CHIC2: variants seen among roughly 807,000 people sequenced by gnomAD.
The protein encoded by CHIC2 is cysteine rich hydrophobic domain 2, also known as cysteine-rich hydrophobic domain-containing protein 2.
In CHIC2, 14 loss-of-function variants were observed where a neutral mutation model predicts 25.9. The observed-to-expected ratio is 0.54, with a 90% CI of 0.36 to 0.85. The LOEUF is 0.85. Ranked by LOEUF, CHIC2 falls within the 40% of genes least tolerant of loss-of-function variation. CHIC2 has a pLI of 0.01. For missense variants in CHIC2, 146 were observed against 202.0 expected (o/e 0.72, Z 1.68); for synonymous variants, 70 against 72.0 (o/e 0.97, Z 0.14).
chr4:54,072,686 T>C, the CHIC2 span, among the ~76,000 whole-genome samples: 1 of 152,224 alleles, frequency 6.6e-6, no homozygotes, highest in Admixed American at 6.5e-5. Flanking sequence ...CCAAGAGTCA[T>C]TCAATACGTC....
chr4:54,013,458 G>A (rs1043335119), intron 5 of CHIC2, among the ~76,000 whole-genome samples: 2 of 151,948 alleles, frequency 1.3e-5, no homozygotes, highest in African/African-American at 2.4e-5. Context: ...TGGCTGAAAG[G>A]TTTTCTTCCA....
chr4:54,027,626 T>C (rs1716100535), intron 3 of CHIC2, among the ~76,000 whole-genome samples: 1 of 152,136 alleles, frequency 6.6e-6, no homozygotes, highest in Non-Finnish European at 1.5e-5. Flanking sequence ...TATCTTATAA[T>C]GGGGAAGATA....
chr4:54,071,414 T>TAA, the CHIC2 span, among the ~76,000 whole-genome samples: 2 of 152,264 alleles, frequency 1.3e-5, no homozygotes, highest in African/African-American at 4.8e-5. Flanking sequence ...ATAAGCCTTG[T>TAA]AAACATTCCT....
At chr4:54,064,739 G>C (rs1284009050), upstream of CHIC2, 2 of 786,012 alleles carry the variant, frequency 2.5e-6, no homozygotes, top group South Asian at 1.1e-4. The surrounding 1 kb of genome is among the most constrained non-coding windows in gnomAD (Gnocchi z 4.2). Context: ...GCGGGCGCGC[G>C]CACGTGCGGC....
chr4:54,013,919 G>A (rs367713903), intron 4 of CHIC2, 23 bp from the exon 5 acceptor site: 22 of 1,611,462 alleles, frequency 1.4e-5, no homozygotes, highest in Non-Finnish European at 1.8e-5. Flanking sequence ...GAAAGTAAAA[G>A]AAGAAAAATG....
chr4:54,091,474 T>A, the CHIC2 span, among the ~76,000 whole-genome samples: 1 of 152,134 alleles, frequency 6.6e-6, no homozygotes, highest in Non-Finnish European at 1.5e-5. Context: ...GTTTCTCGTA[T>A]TCCTCACATT....
the CHIC2 span, among the ~76,000 whole-genome samples, chr4:54,074,597 AACACACACAC>A: frequency 2.9e-5 from 4 of 139,714 alleles, no homozygotes; most frequent in East Asian, 2.1e-4. Flanking sequence ...ACAACACACA[AACACACACAC>A]ACACACACAC....
intron 3 of CHIC2, among the ~76,000 whole-genome samples, chr4:54,025,463 C>A (rs1001432413): frequency 3.3e-5 from 5 of 152,176 alleles, no homozygotes; most frequent in Non-Finnish European, 5.9e-5. Context: ...TCAGACTCAG[C>A]CCGCCTGCAC....
chr4:54,084,828 T>C, the CHIC2 span, among the ~76,000 whole-genome samples: 3 of 151,716 alleles, frequency 2.0e-5, no homozygotes, highest in Middle Eastern at 3.2e-3. Flanking sequence ...GGCGTGGTGG[T>C]GTATACCTGC....
the CHIC2 span, among the ~76,000 whole-genome samples, chr4:54,073,033 A>C: frequency 2.6e-5 from 4 of 151,918 alleles, no homozygotes; most frequent in Admixed American, 6.6e-5. Context: ...GTGCCACTGC[A>C]CTCCAGCCTG....
chr4:54,048,462 G>A (rs1716903598), intron 3 of CHIC2, among the ~76,000 whole-genome samples: 1 of 152,102 alleles, frequency 6.6e-6, no homozygotes, highest in African/African-American at 2.4e-5. Context: ...TTTCTTGTAT[G>A]GGTACCATCT....
At chr4:54,044,215 C>G (rs1206195267) in intron 3 of CHIC2, among the ~76,000 whole-genome samples, 1 of 152,174 alleles carries the variant, frequency 6.6e-6, no homozygotes, top group Non-Finnish European at 1.5e-5. Flanking sequence ...GACTTTAACA[C>G]CCCACTGTCA....
At chr4:54,081,113 A>G in the CHIC2 span, among the ~76,000 whole-genome samples, 1 of 151,612 alleles carries the variant, frequency 6.6e-6, no homozygotes, top group Non-Finnish European at 1.5e-5. Flanking sequence ...TCCAGATTCC[A>G]CTGCCTATAA....
At chr4:54,066,724 C>CA (rs1028310908), upstream of CHIC2, among the ~76,000 whole-genome samples, 1 of 151,708 alleles carries the variant, frequency 6.6e-6, no homozygotes, top group African/African-American at 2.4e-5. Context: ...CTCCTCAGCT[C>CA]AAGCGATCCT....
Position 54,064,307 on chromosome 4 carries a change from C to G in CHIC2, c.-7G>C, listed in dbSNP as rs1017769239. ...TTTCGTCGAAATCCGCCATCCTGAG[C>G]CTCCGAGCTCCCCTGCCCAAAGGGC... is the stretch of plus-strand genomic sequence containing the variant. On this transcript the variant is annotated 5_prime_UTR_variant, in exon 1 of 6. Transcript: ENST00000263921. The surrounding 1 kb of genome is among the most constrained non-coding windows in gnomAD (Gnocchi z 4.2). 6.2e-7 allele frequency: 1 copy of G among 1,613,096 alleles called. No individual in the cohort carries two copies. The highest frequency in any genetic ancestry group is 1.3e-5 in the African/African-American group (1 of 74,908).
chr4:54,022,463 C>T (rs1454188872), intron 3 of CHIC2, among the ~76,000 whole-genome samples: 1 of 152,094 alleles, frequency 6.6e-6, no homozygotes, highest in Non-Finnish European at 1.5e-5. Context: ...GATGGCCAGG[C>T]TTCTAAACCT....
At chr4:54,014,199 G>A (rs559542705) in intron 3 of CHIC2, 80 bp from the exon 4 acceptor site, 1 of 1,174,882 alleles carries the variant, frequency 8.5e-7, no homozygotes, top group Admixed American at 1.8e-5. Context: ...TCTGTGAAAA[G>A]GGGAGAGGTA....
intron 3 of CHIC2, among the ~76,000 whole-genome samples, chr4:54,020,553 C>T (rs1411217138): frequency 6.6e-6 from 1 of 152,206 alleles, no homozygotes; most frequent in East Asian, 1.9e-4. Context: ...CTTCGGAAGA[C>T]CAGTCCCCTG....
At chr4:54,046,990 A>T (rs184128296) in intron 3 of CHIC2, among the ~76,000 whole-genome samples, 55 of 152,352 alleles carry the variant, frequency 3.6e-4, no homozygotes, top group Admixed American at 7.2e-4. Context: ...TGGGCAAAGG[A>T]TATGAACAGA....
Sources: gnomAD v4.1 joint callset for allele counts (sites outside exome capture counted in the v4.1 genomes callset) on GRCh38, gnomAD v4.1.1 for gene constraint, Gnocchi (gnomAD v3.1) non-coding constraint, MANE v1.5 for transcripts, NCBI Gene and HGNC (gene_info 2026-07-23, HGNC 2026-07-21) for gene names.